The following PTPRG variants were observed in gnomAD, a reference collection of about 807,000 sequenced individuals.
PTPRG encodes the protein protein tyrosine phosphatase receptor type G, also known as receptor-type tyrosine-protein phosphatase gamma.
In PTPRG, 102 loss-of-function variants were observed where a neutral mutation model predicts 165.3. That is an observed-to-expected ratio of 0.62 (90% CI 0.53 to 0.73). The LOEUF (loss-of-function observed/expected upper bound fraction) is 0.73. Ranked by LOEUF, PTPRG falls within the 30% of genes least tolerant of loss-of-function variation. The pLI is 0.00. For missense variants in PTPRG, 1,866 were observed against 1,861.4 expected (o/e 1.00, Z -0.05); for synonymous variants, 675 against 669.5 (o/e 1.01, Z -0.13).
At chr3:61,765,027 T>C (rs1447362353) in intron 2 of PTPRG, among the ~76,000 whole-genome samples, 1 of 152,220 alleles carries the variant, frequency 6.6e-6, no homozygotes. Flanking sequence ...AACCCTAAAC[T>C]GAAGGCTCAC....
chr3:61,571,286 A>G (rs949961810), intron 1 of PTPRG, among the ~76,000 whole-genome samples: 3 of 152,162 alleles, frequency 2.0e-5, no homozygotes, highest in Admixed American at 2.0e-4. Context: ...CGGTGACTGT[A>G]ATATGTTTCT....
At chr3:62,066,501 AT>A (rs1559776915) in intron 4 of PTPRG, among the ~76,000 whole-genome samples, 1 of 91,834 alleles carries the variant, frequency 1.1e-5, no homozygotes, top group East Asian at 2.9e-4. Flanking sequence ...AAAAAGTTTC[AT>A]ATTACAAAGA....
chr3:61,954,900 A>C (rs1160947245), intron 2 of PTPRG, among the ~76,000 whole-genome samples: 4 of 152,220 alleles, frequency 2.6e-5, no homozygotes, highest in African/African-American at 4.8e-5. Flanking sequence ...AAGTGATTGC[A>C]TGCATGTGAG....
intron 4 of PTPRG, among the ~76,000 whole-genome samples, chr3:62,068,445 C>G (rs1434237271): frequency 1.3e-5 from 2 of 152,162 alleles, no homozygotes; most frequent in East Asian, 3.9e-4. Flanking sequence ...CAAAACAGGG[C>G]AGTAAACTCG....
chr3:61,764,695 A>G (rs1360957498), intron 2 of PTPRG, among the ~76,000 whole-genome samples: 1 of 152,196 alleles, frequency 6.6e-6, no homozygotes, highest in Admixed American at 6.5e-5. Flanking sequence ...GCACTTGGAA[A>G]GGTTCAATGT....
At chr3:61,722,517 A>C (rs970050344) in intron 1 of PTPRG, among the ~76,000 whole-genome samples, 8 of 152,216 alleles carry the variant, frequency 5.3e-5, no homozygotes, top group African/African-American at 1.9e-4. Flanking sequence ...GATCAGATAC[A>C]GGATGGGGCA....
At chr3:62,083,868 A>G (rs1204286882) in intron 5 of PTPRG, among the ~76,000 whole-genome samples, 2 of 152,134 alleles carry the variant, frequency 1.3e-5, no homozygotes, top group Non-Finnish European at 2.9e-5. Context: ...ATGCACATAG[A>G]AGTTTGGTAT....
intron 9 of PTPRG, among the ~76,000 whole-genome samples, chr3:62,194,490 G>A (rs1042401229): frequency 4.6e-5 from 7 of 152,158 alleles, no homozygotes; most frequent in Non-Finnish European, 8.8e-5. Flanking sequence ...CATACTCTGC[G>A]TAATAAAAAT....
rs137980346 is a variant in PTPRG at position 62,139,834 on chromosome 3, A to G, written c.682+7166A>G. 3.7e-3 allele frequency among the ~76,000 whole-genome samples: 562 copies of G among 152,334 alleles called. 3 individuals are homozygous for G. Among genetic ancestry groups the G allele is most frequent in the African/African-American group, 0.013 (535 of 41,562 alleles). On this transcript the variant is annotated intron_variant, in intron 6 of 29. Coordinates refer to ENST00000474889, the MANE Select transcript of PTPRG (RefSeq NM_002841.4). ...ATCTCCTCACCAAATCTATGGACAA[A>G]GCCCTAGAATAGCTAGAGTCACTCC...
At position 62,003,326 on chromosome 3, in the gene PTPRG, C is replaced by G. The variant is rs770279523; in HGVS notation, c.371-23C>G. 2.5e-6 allele frequency: 4 copies of G among 1,597,072 alleles called. No homozygotes were observed. In the East Asian group the frequency reaches 8.9e-5, roughly 36 times the overall value. ...GTTTTGAAACTCACTTTGTTTTCCT[C>G]TCTTCTCATTTGTTTCACACAGTCG... is the stretch of plus-strand genomic sequence containing the variant. On this transcript the variant is annotated intron_variant, in intron 3 of 29. Coordinates refer to ENST00000474889, the MANE Select transcript of PTPRG (RefSeq NM_002841.4).
chr3:61,918,190 T>A (rs1200140143), intron 2 of PTPRG, among the ~76,000 whole-genome samples: 2 of 152,280 alleles, frequency 1.3e-5, no homozygotes, highest in East Asian at 3.9e-4. Flanking sequence ...AAAAAATACT[T>A]GGATTGAGAC....
chr3:61,836,051 C>G (rs1575706091), intron 2 of PTPRG, among the ~76,000 whole-genome samples: 1 of 21,156 alleles, frequency 4.7e-5, no homozygotes, highest in African/African-American at 3.6e-4. Flanking sequence ...ACCCCCCGCG[C>G]CCCCCCCCAC....
chr3:61,606,640 G>C (rs1701016957), intron 1 of PTPRG, among the ~76,000 whole-genome samples: 1 of 152,182 alleles, frequency 6.6e-6, no homozygotes, highest in Non-Finnish European at 1.5e-5. Context: ...CTGGAGGCTG[G>C]GAAGCCCAGG....
intron 1 of PTPRG, among the ~76,000 whole-genome samples, chr3:61,723,049 G>A (rs1249447894): frequency 2.0e-5 from 3 of 152,062 alleles, no homozygotes; most frequent in Non-Finnish European, 1.5e-5. Flanking sequence ...GAACTATGCA[G>A]TATTCAGTCT....
intron 1 of PTPRG, among the ~76,000 whole-genome samples, chr3:61,616,261 A>G (rs888251259): frequency 2.6e-5 from 4 of 152,268 alleles, no homozygotes; most frequent in Admixed American, 2.0e-4. Context: ...TGAGAATGGT[A>G]TTTAGAAACC....
At chr3:62,143,285 G>A (rs536806034) in intron 6 of PTPRG, among the ~76,000 whole-genome samples, 2 of 152,276 alleles carry the variant, frequency 1.3e-5, no homozygotes, top group East Asian at 1.9e-4. Flanking sequence ...ATCTTTTGTG[G>A]ACTTTGGAAG....
chr3:61,942,382 T>C (rs896550803), intron 2 of PTPRG, among the ~76,000 whole-genome samples: 32 of 152,232 alleles, frequency 2.1e-4, no homozygotes, highest in African/African-American at 7.5e-4. Flanking sequence ...TTTCTTCATA[T>C]ACCTATTAAA....
intron 2 of PTPRG, among the ~76,000 whole-genome samples, chr3:61,790,189 G>T (rs10433639): frequency 0.18 from 27,644 of 152,104 alleles, 3,315 homozygotes; most frequent in East Asian, 0.27. Flanking sequence ...ACTTGTACTG[G>T]AGGAACCCTG....
chr3:62,255,146 C>A lies in PTPRG; in HGVS notation c.2490C>A (p.Val830=), dbSNP rs767836750. The A allele has an allele frequency of 3.5e-5, 57 of 1,612,664 alleles. No homozygotes were observed. The highest frequency in any genetic ancestry group is 4.8e-5 in the Non-Finnish European group (57 of 1,179,304). ...PIPDDMEAIP[V]KQFVKHIGEL... is the part of the protein sequence containing the mutation. ...CAGATGACATGGAAGCCATTCCTGT[C>A]AAACAGTTTGTCAAACACATCGGTG... Residue 830 remains valine, a synonymous_variant, in exon 16 of 30, where the codon GTC becomes GTA. Transcript: ENST00000474889. The surrounding 1 kb of genome is among the most constrained non-coding windows in gnomAD (Gnocchi z 4.0).
Sources: allele counts gnomAD v4.1 joint callset (sites outside exome capture counted in the v4.1 genomes callset), GRCh38; gene constraint gnomAD v4.1.1; non-coding constraint Gnocchi (gnomAD v3.1); transcripts MANE v1.5; gene names NCBI Gene and HGNC (gene_info 2026-07-23, HGNC 2026-07-21).